The following SHISA6 variants were observed in gnomAD, a reference collection of about 807,000 sequenced individuals.
SHISA6 encodes the protein shisa family member 6, also known as protein shisa-6.
In SHISA6, 22 loss-of-function variants were observed where a neutral mutation model predicts 47.9. The ratio of observed to expected loss-of-function variants is 0.46; its 90% CI spans 0.33 to 0.66. SHISA6 has a LOEUF of 0.66. SHISA6 is among the 30% of genes least tolerant of loss of function. The pLI is 0.02. For synonymous variants in SHISA6, 388 were observed against 337.8 expected (o/e 1.15, Z -1.63); for missense variants, 680 against 764.6 (o/e 0.89, Z 1.30).
At chr17:11,514,973 AG>A (rs1337322664) in intron 3 of SHISA6, among the ~76,000 whole-genome samples, 9 of 152,210 alleles carry the variant, frequency 5.9e-5, no homozygotes, top group South Asian at 4.1e-4. Context: ...CATGGAGGCC[AG>A]GAACAGTGGT....
In SHISA6 at chr17:11,560,095, C is replaced by G. The variant is rs2072027446; in HGVS notation, c.*1791C>G. ...GAAGGAGAATTTATTGGTGTCAGCC[C>G]TGGAGATTTTTAATCTAACCAAGTC... On this transcript the variant is annotated 3_prime_UTR_variant, in exon 6 of 6. Transcript: ENST00000441885. 1 of 152,214 alleles carries G rather than the reference C, an allele frequency of 6.6e-6. No individual in the cohort carries two copies. The highest frequency in any genetic ancestry group is 1.5e-5 in the Non-Finnish European group (1 of 68,056). The allele number at this position is 152,214 out of a possible 1,614,324, so 9.4% of individuals were successfully genotyped here. A position where few individuals can be genotyped will look rare whatever the true frequency, so the allele number is the denominator to read the frequency against.
intron 2 of SHISA6, among the ~76,000 whole-genome samples, chr17:11,353,751 C>G (rs1911981943): frequency 2.0e-5 from 3 of 152,144 alleles, no homozygotes; most frequent in Non-Finnish European, 2.9e-5. Context: ...TTTATCTGTT[C>G]ATAATTTAGA....
At chr17:11,264,963 C>G (rs138052723) in intron 2 of SHISA6, among the ~76,000 whole-genome samples, 5 of 152,172 alleles carry the variant, frequency 3.3e-5, no homozygotes, top group Admixed American at 6.5e-5. Context: ...AGTTAAAAAC[C>G]TCTGCTGTAA....
intron 2 of SHISA6, among the ~76,000 whole-genome samples, chr17:11,273,592 A>G (rs1418217378): frequency 1.3e-5 from 2 of 152,378 alleles, no homozygotes; most frequent in Non-Finnish European, 2.9e-5. Context: ...GTGTCATAAT[A>G]GAAACAGTAG....
At chr17:11,538,381 G>C (rs1285059295) in intron 3 of SHISA6, among the ~76,000 whole-genome samples, 1 of 152,096 alleles carries the variant, frequency 6.6e-6, no homozygotes, top group Non-Finnish European at 1.5e-5. Flanking sequence ...TTATCTTCAA[G>C]GATTGGAAGA....
At chr17:11,388,830 ATATATATATAT>A (rs1913290648) in intron 3 of SHISA6, among the ~76,000 whole-genome samples, 1 of 96,012 alleles carries the variant, frequency 1.0e-5, no homozygotes, top group Non-Finnish European at 2.1e-5. Flanking sequence ...ATATATATAT[ATATATATATAT>A]TTTAAAAAAG....
chr17:11,271,276 C>G (rs1453654668), intron 2 of SHISA6, among the ~76,000 whole-genome samples: 1 of 152,040 alleles, frequency 6.6e-6, no homozygotes, highest in Non-Finnish European at 1.5e-5. Flanking sequence ...ATGACCTTCT[C>G]AGTGGCTTTT....
At chr17:11,554,056 T>C (rs1222799840) in intron 4 of SHISA6, among the ~76,000 whole-genome samples, 2 of 152,084 alleles carry the variant, frequency 1.3e-5, no homozygotes, top group East Asian at 1.9e-4. Context: ...TCCAGAAAGA[T>C]TGCATTTGGA....
rs115628479 is a variant in SHISA6 at position 11,321,455 on chromosome 17, C to T, written c.799+57929C>T. 5.7e-3 allele frequency among the ~76,000 whole-genome samples: 871 copies of T among 152,270 alleles called. 10 individuals carry two copies. Among genetic ancestry groups the T allele is most frequent in the African/African-American group, 0.019 (787 of 41,550 alleles). On this transcript the variant is annotated intron_variant, in intron 2 of 5. Coordinates refer to ENST00000441885, the MANE Select transcript of SHISA6 (RefSeq NM_207386.4). ...TTAGTCAGGGATTTGAGATTTTGCA[C>T]GGTAGATTATTTGCATCTTTCTACT...
chr17:11,533,100 G>C (rs2071751211), intron 3 of SHISA6, among the ~76,000 whole-genome samples: 1 of 152,100 alleles, frequency 6.6e-6, no homozygotes, highest in Admixed American at 6.5e-5. Flanking sequence ...GCAGGAATGA[G>C]TCCTCTGATG....
chr17:11,326,983 C>T (rs1219147118), intron 2 of SHISA6, among the ~76,000 whole-genome samples: 1 of 152,174 alleles, frequency 6.6e-6, no homozygotes, highest in Non-Finnish European at 1.5e-5. Context: ...ATGTCCATTA[C>T]GACCTTGCTC....
At chr17:11,399,272 C>A (rs1432191455) in intron 3 of SHISA6, among the ~76,000 whole-genome samples, 3 of 152,126 alleles carry the variant, frequency 2.0e-5, no homozygotes, top group Non-Finnish European at 4.4e-5. Context: ...ATGTGTAGTG[C>A]TGTATTTACT....
At chr17:11,303,819 GT>G (rs1473479332) in intron 2 of SHISA6, among the ~76,000 whole-genome samples, 1 of 152,198 alleles carries the variant, frequency 6.6e-6, no homozygotes, top group East Asian at 1.9e-4. Context: ...AGTGTGCTGA[GT>G]TGGGGGTAAA....
At chr17:11,339,748 G>T (rs1023441583) in intron 2 of SHISA6, among the ~76,000 whole-genome samples, 2 of 152,180 alleles carry the variant, frequency 1.3e-5, no homozygotes, top group Non-Finnish European at 2.9e-5. Flanking sequence ...ATTTCAGCCT[G>T]TGGGAGCCCA....
chr17:11,495,384 G>A (rs1051870773), intron 3 of SHISA6, among the ~76,000 whole-genome samples: 7 of 152,168 alleles, frequency 4.6e-5, no homozygotes, highest in Non-Finnish European at 8.8e-5. Context: ...GGGGCCAGAT[G>A]AAAACAAGTC....
intron 4 of SHISA6, among the ~76,000 whole-genome samples, chr17:11,555,441 T>G (rs2071968770): frequency 6.6e-6 from 1 of 151,912 alleles, no homozygotes; most frequent in South Asian, 2.1e-4. Context: ...AGGCTTACGT[T>G]TTCAGCAGAT....
At chr17:11,261,567 G>A (rs1363140123) in intron 1 of SHISA6, among the ~76,000 whole-genome samples, 1 of 152,214 alleles carries the variant, frequency 6.6e-6, no homozygotes, top group Non-Finnish European at 1.5e-5. Flanking sequence ...CAGAAGCATG[G>A]TCTTTTATGG....
At chr17:11,340,553 C>T (rs996428074) in intron 2 of SHISA6, among the ~76,000 whole-genome samples, 3 of 152,206 alleles carry the variant, frequency 2.0e-5, no homozygotes, top group African/African-American at 7.2e-5. Flanking sequence ...AGTCACAAGA[C>T]TACCCTGAAT....
intron 3 of SHISA6, among the ~76,000 whole-genome samples, chr17:11,532,409 T>A (rs914125231): frequency 5.3e-5 from 8 of 152,206 alleles, no homozygotes; most frequent in Admixed American, 3.9e-4. Context: ...GCATAGATCC[T>A]TGTTTCTTTC....
Sources: allele counts gnomAD v4.1 joint callset (sites outside exome capture counted in the v4.1 genomes callset), GRCh38; gene constraint gnomAD v4.1.1; transcripts MANE v1.5; gene names NCBI Gene and HGNC (gene_info 2026-07-23, HGNC 2026-07-21).